Variants in CACNA2D1 observed in about 807,000 individuals in gnomAD.
CACNA2D1 encodes calcium voltage-gated channel auxiliary subunit alpha2delta 1, also known as voltage-dependent calcium channel subunit alpha-2/delta-1.
A neutral mutation model predicts 171.5 loss-of-function variants in CACNA2D1; 53 were observed. The ratio of observed to expected loss-of-function variants is 0.31; its 90% CI spans 0.25 to 0.39. CACNA2D1 has a LOEUF of 0.39. Ranked by LOEUF, CACNA2D1 falls within the 10% of genes least tolerant of loss-of-function variation. The probability of loss-of-function intolerance (pLI) is 1.00; values close to 1 mark genes in which losing one functional copy is unlikely to be tolerated. For missense variants in CACNA2D1, 903 were observed against 1,299.8 expected, an observed-to-expected ratio of 0.69 and a Z score of 4.69; for synonymous variants, 442 against 443.1, an observed-to-expected ratio of 1.00 and a Z score of 0.03.
chr7:82,151,697 GTTGT>G (rs1793873680), intron 4 of CACNA2D1, among the ~76,000 whole-genome samples: 1 of 152,062 alleles, frequency 6.6e-6, no homozygotes. Context: ...CAATTACAGA[GTTGT>G]CTACATTTTC....
rs116306065 is a variant in CACNA2D1, at chr7:82,441,820, C to A, written c.95+1545G>T. Among the ~76,000 whole-genome samples the A allele has an allele frequency of 5.4e-3, 823 of 152,130 alleles. 4 individuals are homozygous for A. The highest frequency in any genetic ancestry group is 0.019 in the African/African-American group (773 of 41,494). On this transcript the variant is annotated intron_variant, in intron 1 of 38. Transcript: ENST00000356860. ...TTATTTATTTGACACAGAATGCAAG[C>A]GACTCATTTGAGTTCTCACTTTACA...
chr7:81,972,424 C>T (rs28510668), intron 25 of CACNA2D1, among the ~76,000 whole-genome samples: 3,028 of 151,742 alleles, frequency 0.02, 110 homozygotes, highest in African/African-American at 0.067. Context: ...GTAAATAAGA[C>T]TATGAAAAAT....
chr7:82,405,840 G>A (rs1197392771), intron 1 of CACNA2D1, among the ~76,000 whole-genome samples: 1 of 152,042 alleles, frequency 6.6e-6, no homozygotes, highest in African/African-American at 2.4e-5. Flanking sequence ...GAGGAGCCCT[G>A]GCTCAGAAAT....
chr7:82,156,487 T>A (rs749875120), intron 4 of CACNA2D1, among the ~76,000 whole-genome samples: 1 of 152,148 alleles, frequency 6.6e-6, no homozygotes, highest in East Asian at 1.9e-4. Context: ...CTCTGTGTAA[T>A]CAACTTTTGC....
intron 38 of CACNA2D1, among the ~76,000 whole-genome samples, chr7:81,955,180 A>G (rs976415576): frequency 6.6e-6 from 1 of 152,104 alleles, no homozygotes; most frequent in Admixed American, 6.6e-5. Flanking sequence ...GAGCTTCATA[A>G]CTGTTTTTGT....
At chr7:82,040,612 G>C (rs1803837948) in intron 10 of CACNA2D1, among the ~76,000 whole-genome samples, 1 of 152,126 alleles carries the variant, frequency 6.6e-6, no homozygotes, top group African/African-American at 2.4e-5. Context: ...AGATTGGACT[G>C]TTTTGGATGA....
At chr7:82,274,544 A>T (rs1285567308) in intron 3 of CACNA2D1, among the ~76,000 whole-genome samples, 3 of 152,148 alleles carry the variant, frequency 2.0e-5, no homozygotes, top group African/African-American at 7.2e-5. Flanking sequence ...CTCTTGGGTT[A>T]TAGACACCGC....
intron 1 of CACNA2D1, among the ~76,000 whole-genome samples, chr7:82,375,999 A>G (rs1241546959): frequency 6.6e-6 from 1 of 152,094 alleles, no homozygotes; most frequent in East Asian, 1.9e-4. Context: ...TAGGTGTTCC[A>G]AAGGGCATCT....
intron 3 of CACNA2D1, among the ~76,000 whole-genome samples, chr7:82,304,306 T>C (rs1341121180): frequency 2.7e-5 from 4 of 149,532 alleles, no homozygotes. Flanking sequence ...AACTAAAAAT[T>C]GAACTACCAT....
chr7:82,409,798 C>T (rs1052770168), intron 1 of CACNA2D1, among the ~76,000 whole-genome samples: 4 of 152,108 alleles, frequency 2.6e-5, no homozygotes, highest in Non-Finnish European at 4.4e-5. Flanking sequence ...GGGATACATT[C>T]TGAGATATGC....
At chr7:82,025,914 A>G (rs1017432580) in intron 12 of CACNA2D1, among the ~76,000 whole-genome samples, 1 of 151,492 alleles carries the variant, frequency 6.6e-6, no homozygotes, top group African/African-American at 2.4e-5. Context: ...ATTGCTGCCT[A>G]TTTGCCCCTT....
At chr7:82,192,699 C>A (rs925427990) in intron 3 of CACNA2D1, among the ~76,000 whole-genome samples, 4 of 150,936 alleles carry the variant, frequency 2.7e-5, no homozygotes, top group Admixed American at 1.3e-4. Context: ...GCAATACTCT[C>A]TGTTGATTCT....
chr7:82,322,213 T>C (rs140531214), intron 3 of CACNA2D1, among the ~76,000 whole-genome samples: 1,619 of 150,072 alleles, frequency 0.011, 26 homozygotes, highest in African/African-American at 0.037. Context: ...CTAAAAATAT[T>C]TGAGAAAAGA....
intron 9 of CACNA2D1, among the ~76,000 whole-genome samples, chr7:82,062,183 C>T (rs1340005105): frequency 6.6e-6 from 1 of 152,116 alleles, no homozygotes; most frequent in Admixed American, 6.6e-5. Context: ...TTGGCCCACA[C>T]CCAGGAATGA....
intron 3 of CACNA2D1, among the ~76,000 whole-genome samples, chr7:82,227,618 C>T (rs553102941): frequency 6.6e-5 from 10 of 152,264 alleles, no homozygotes; most frequent in Admixed American, 6.5e-4. Context: ...GATAGCAGTA[C>T]AGCCGAGTAG....
intron 12 of CACNA2D1, among the ~76,000 whole-genome samples, chr7:82,030,152 GAGA>G (rs1374877386): frequency 2.0e-5 from 3 of 151,786 alleles, no homozygotes; most frequent in Non-Finnish European, 4.4e-5. Context: ...TGACTGGAAT[GAGA>G]AGCTGTATTT....
Position 82,414,197 on chromosome 7 carries a change from T to C in CACNA2D1, c.95+29168A>G, listed in dbSNP as rs563035189. Reference sequence around the variant, plus strand: ...TATAAATTCCAAGATGATGGCTTACTGAAAAAGATGAATAGCCTGATATCA... The same window carrying C: ...TATAAATTCCAAGATGATGGCTTACCGAAAAAGATGAATAGCCTGATATCA... On this transcript the variant is annotated intron_variant, in intron 1 of 38. Coordinates refer to ENST00000356860, the MANE Select transcript of CACNA2D1 (RefSeq NM_000722.4). Among the ~76,000 whole-genome samples the C allele has an allele frequency of 3.3e-5, 5 of 152,304 alleles. No individual in the cohort carries two copies. In the South Asian group the frequency reaches 1.0e-3, roughly 32 times the overall value.
chr7:81,978,544 A>G (rs530499885), intron 24 of CACNA2D1, among the ~76,000 whole-genome samples: 20 of 151,830 alleles, frequency 1.3e-4, no homozygotes, highest in Non-Finnish European at 2.4e-4. Context: ...ACACATGGAC[A>G]CCAGGGAGGG....
At chr7:82,245,219 A>G (rs1273534845) in intron 3 of CACNA2D1, among the ~76,000 whole-genome samples, 5 of 152,210 alleles carry the variant, frequency 3.3e-5, no homozygotes, top group African/African-American at 7.2e-5. Flanking sequence ...TATGCCAGCC[A>G]TGGAATATTA....
Sources: allele counts gnomAD v4.1 joint callset (sites outside exome capture counted in the v4.1 genomes callset), GRCh38; gene constraint gnomAD v4.1.1; transcripts MANE v1.5; gene names NCBI Gene and HGNC (gene_info 2026-07-23, HGNC 2026-07-21).